The following CPVL variants were observed in gnomAD, a reference collection of about 807,000 sequenced individuals.
The protein encoded by CPVL is probable serine carboxypeptidase CPVL.
In CPVL, 51 loss-of-function variants were observed where a neutral mutation model predicts 63.7. That is an observed-to-expected ratio of 0.80 (90% CI 0.64 to 1.01). CPVL has a LOEUF of 1.01. Ranked by LOEUF, CPVL falls within the 50% of genes least tolerant of loss-of-function variation. The pLI is 0.00. For synonymous variants in CPVL, 195 were observed against 206.0 expected, an observed-to-expected ratio of 0.95 and a Z score of 0.46; for missense variants, 530 against 573.1, an observed-to-expected ratio of 0.92 and a Z score of 0.77.
chr7:29,140,310 C>T lies in CPVL; in HGVS notation c.-11+6119G>A, dbSNP rs564632094. ...ACAAACAAACAGGCTTCTACCCACA[C>T]TCTTCTATACAAATAGTTTTCTCTC... On this transcript the variant is annotated intron_variant, in intron 1 of 12. Transcript: ENST00000265394. 7.9e-5 allele frequency among the ~76,000 whole-genome samples: 12 copies of T among 152,330 alleles called. No individual in the cohort carries two copies. In the South Asian group the frequency reaches 2.3e-3, roughly 29 times the overall value.
At chr7:29,143,097 A>G (rs1029846927) in intron 1 of CPVL, among the ~76,000 whole-genome samples, 1 of 152,180 alleles carries the variant, frequency 6.6e-6, no homozygotes, top group African/African-American at 2.4e-5. Flanking sequence ...CATGCCTTCA[A>G]TGGCTCCCAC....
intron 11 of CPVL, 91 bp downstream of exon 11, chr7:29,063,970 A>T: frequency 4.6e-6 from 4 of 866,908 alleles, no homozygotes; most frequent in Non-Finnish European, 7.1e-6. Context: ...AAAAGTTAAA[A>T]AAAAAAAAAA....
At chr7:29,036,174 T>G (rs184419770) in intron 11 of CPVL, among the ~76,000 whole-genome samples, 210 of 152,330 alleles carry the variant, frequency 1.4e-3, no homozygotes, top group African/African-American at 4.5e-3. Flanking sequence ...ACCAGTGCAG[T>G]GCATGCCAAC....
chr7:29,106,067 G>A (rs993201473), intron 3 of CPVL, among the ~76,000 whole-genome samples: 2 of 152,146 alleles, frequency 1.3e-5, no homozygotes, highest in African/African-American at 4.8e-5. Flanking sequence ...TAGCTGAGAA[G>A]TTCACTGAGT....
intron 4 of CPVL, among the ~76,000 whole-genome samples, chr7:29,095,748 GT>G (rs1204850195): frequency 6.6e-6 from 1 of 152,112 alleles, no homozygotes; most frequent in Non-Finnish European, 1.5e-5. Flanking sequence ...AAAGTGTTTA[GT>G]TCATGTGAGT....
chr7:29,149,754 G>A (rs891849773), upstream of CPVL, among the ~76,000 whole-genome samples: 1 of 152,042 alleles, frequency 6.6e-6, no homozygotes, highest in Non-Finnish European at 1.5e-5. Flanking sequence ...GTGTTCCTTG[G>A]CTTGTGGCAG....
chr7:29,123,638 T>A (rs1789654777), intron 1 of CPVL, among the ~76,000 whole-genome samples: 4 of 111,358 alleles, frequency 3.6e-5, no homozygotes, highest in Non-Finnish European at 7.1e-5. Flanking sequence ...AATATATATA[T>A]ATATATATAT....
At chr7:29,103,233 C>T (rs1213423868) in intron 3 of CPVL, among the ~76,000 whole-genome samples, 1 of 94,548 alleles carries the variant, frequency 1.1e-5, no homozygotes, top group Non-Finnish European at 2.2e-5. Flanking sequence ...TTTTAAGAAA[C>T]ATAATTGTTG....
intron 12 of CPVL, among the ~76,000 whole-genome samples, chr7:29,005,544 T>G (rs1209838916): frequency 1.3e-5 from 2 of 152,174 alleles, no homozygotes; most frequent in Non-Finnish European, 2.9e-5. Context: ...TCAACTTAAC[T>G]GTGTCTACAG....
chr7:29,046,236 CA>C (rs1562739358), intron 11 of CPVL, among the ~76,000 whole-genome samples: 2 of 152,014 alleles, frequency 1.3e-5, no homozygotes, highest in African/African-American at 4.8e-5. Flanking sequence ...AGGCATGCAC[CA>C]CCACACCCGG....
intron 11 of CPVL, among the ~76,000 whole-genome samples, chr7:29,050,021 G>A (rs1434145117): frequency 2.0e-5 from 3 of 151,626 alleles, no homozygotes; most frequent in Admixed American, 1.3e-4. Context: ...ATACCTCAAT[G>A]TAATAAAAGC....
upstream of CPVL, among the ~76,000 whole-genome samples, chr7:29,148,303 T>C (rs1025786179): frequency 2.0e-5 from 3 of 152,122 alleles, no homozygotes; most frequent in African/African-American, 7.2e-5. Context: ...CTAAACTGAA[T>C]TTTACAGTAA....
intron 12 of CPVL, among the ~76,000 whole-genome samples, chr7:29,019,416 G>T (rs537352877): frequency 6.6e-6 from 1 of 152,134 alleles, no homozygotes; most frequent in Non-Finnish European, 1.5e-5. Flanking sequence ...GCTGGTGGGA[G>T]CTGTGTTTGA....
chr7:29,062,010 C>A (rs1782653192), intron 11 of CPVL, among the ~76,000 whole-genome samples: 1 of 151,362 alleles, frequency 6.6e-6, no homozygotes, highest in African/African-American at 2.4e-5. Context: ...TAACACATAT[C>A]AAACTTATCT....
intron 3 of CPVL, among the ~76,000 whole-genome samples, chr7:29,108,404 T>C (rs182068317): frequency 1.6e-3 from 244 of 152,344 alleles, no homozygotes; most frequent in African/African-American, 5.7e-3. Context: ...ATAATCTCTA[T>C]GTCTTTTTTA....
chr7:29,189,076 G>C (rs898719679), intron 1 of CPVL, among the ~76,000 whole-genome samples: 1 of 150,434 alleles, frequency 6.6e-6, no homozygotes, highest in East Asian at 2.0e-4. Context: ...TCAGCCTCCC[G>C]AGTAGCTGAC....
chr7:29,085,940 A>G (rs183438121), intron 7 of CPVL, among the ~76,000 whole-genome samples: 1 of 152,330 alleles, frequency 6.6e-6, no homozygotes, highest in Non-Finnish European at 1.5e-5. Flanking sequence ...CAGATGACTG[A>G]GCCTACCTAG....
At chr7:29,072,988 T>C (rs2128578041) in intron 7 of CPVL, among the ~76,000 whole-genome samples, 1 of 152,352 alleles carries the variant, frequency 6.6e-6, no homozygotes, top group Middle Eastern at 3.4e-3. Context: ...ATATTTCCCC[T>C]AACAAACATG....
chr7:29,182,119 C>T (rs1037293150), intron 4 of CPVL, among the ~76,000 whole-genome samples: 5 of 152,180 alleles, frequency 3.3e-5, no homozygotes, highest in African/African-American at 1.2e-4. Flanking sequence ...AACTAACACT[C>T]ATTAATCACT....
Sources: allele counts gnomAD v4.1 joint callset (sites outside exome capture counted in the v4.1 genomes callset), GRCh38; gene constraint gnomAD v4.1.1; transcripts MANE v1.5; gene names NCBI Gene and HGNC (gene_info 2026-07-23, HGNC 2026-07-21).